Variants in MAP4K3 observed in about 807,000 individuals in gnomAD.
The protein encoded by MAP4K3 is MAPK/ERK kinase kinase kinase 3.
In MAP4K3, 94 loss-of-function variants were observed where a neutral mutation model predicts 143.5. That is an observed-to-expected ratio of 0.65 (90% CI 0.55 to 0.78). MAP4K3 has a LOEUF of 0.78. Among genes scored for constraint, MAP4K3 ranks in the 30% least tolerant of loss-of-function variants. The pLI is 0.00. For synonymous variants in MAP4K3, 416 were observed against 347.2 expected (o/e 1.20, Z -2.20); for missense variants, 1,077 against 1,068.1 (o/e 1.01, Z -0.12).
At chr2:39,410,193 G>C (rs1667198392) in intron 1 of MAP4K3, among the ~76,000 whole-genome samples, 1 of 152,148 alleles carries the variant, frequency 6.6e-6, no homozygotes, top group East Asian at 1.9e-4. Context: ...GTCATTTAAA[G>C]CAACAGCTGA....
At chr2:39,299,894 A>C in intron 15 of MAP4K3, 93 bp from the exon 16 acceptor site, 1 of 467,586 alleles carries the variant, frequency 2.1e-6, no homozygotes, top group Non-Finnish European at 3.6e-6. Flanking sequence ...TTTAAAAGAT[A>C]AGTCCCAGAC....
At chr2:39,378,401 C>G (rs527636571) in intron 1 of MAP4K3, among the ~76,000 whole-genome samples, 44 of 152,180 alleles carry the variant, frequency 2.9e-4, no homozygotes, top group South Asian at 8.3e-4. Flanking sequence ...TTCATTTAAT[C>G]CTCACAACAA....
chr2:39,398,033 T>G (rs936870457), intron 1 of MAP4K3, among the ~76,000 whole-genome samples: 1 of 152,098 alleles, frequency 6.6e-6, no homozygotes, highest in African/African-American at 2.4e-5. Context: ...CATATATTGC[T>G]GCTGAAATGC....
intron 3 of MAP4K3, among the ~76,000 whole-genome samples, chr2:39,351,703 CTG>C (rs1665464132): frequency 6.6e-6 from 1 of 152,208 alleles, no homozygotes; most frequent in South Asian, 2.1e-4. Flanking sequence ...GAGTCTCGCT[CTG>C]TCACTCAGGC....
intron 13 of MAP4K3, among the ~76,000 whole-genome samples, chr2:39,313,069 C>T (rs1387009357): frequency 1.3e-5 from 2 of 152,214 alleles, no homozygotes; most frequent in Non-Finnish European, 2.9e-5. Context: ...GAGATTCAAA[C>T]CTTACACTGG....
At chr2:39,279,155 T>A (rs1681400650) in intron 23 of MAP4K3, among the ~76,000 whole-genome samples, 1 of 152,164 alleles carries the variant, frequency 6.6e-6, no homozygotes, top group African/African-American at 2.4e-5. Context: ...TGAAGAAAAG[T>A]GCCCGATCTG....
At chr2:39,293,929 T>C (rs950670854) in intron 16 of MAP4K3, 5 of 152,288 alleles carry the variant, frequency 3.3e-5, no homozygotes, top group African/African-American at 9.6e-5. Context: ...TCGAGGATTT[T>C]ACCATTAGGA....
chr2:39,309,547 GATTT>G, intron 13 of MAP4K3, 28 bp from the exon 14 acceptor site: 1 of 620,254 alleles, frequency 1.6e-6, no homozygotes, highest in Non-Finnish European at 2.6e-6. Flanking sequence ...GTAAAACCAG[GATTT>G]TTTTTTTTTT....
At chr2:39,353,670 G>A (rs1159207219) in intron 3 of MAP4K3, among the ~76,000 whole-genome samples, 1 of 152,092 alleles carries the variant, frequency 6.6e-6, no homozygotes, top group African/African-American at 2.4e-5. Context: ...TGCTATCCAG[G>A]TTGCTGAAAG....
At chr2:39,354,356 T>C (rs937749461) in intron 3 of MAP4K3, among the ~76,000 whole-genome samples, 1 of 152,120 alleles carries the variant, frequency 6.6e-6, no homozygotes, top group African/African-American at 2.4e-5. Context: ...GGCAGGAGAA[T>C]GGCTTGAACC....
At chr2:39,376,178 T>C (rs763443101) in intron 2 of MAP4K3, among the ~76,000 whole-genome samples, 3 of 152,192 alleles carry the variant, frequency 2.0e-5, no homozygotes, top group Non-Finnish European at 4.4e-5. Context: ...CAGCTGTGTA[T>C]GAGGGTTCCT....
At chr2:39,327,241 C>A (rs1385665009) in intron 8 of MAP4K3, among the ~76,000 whole-genome samples, 1 of 152,132 alleles carries the variant, frequency 6.6e-6, no homozygotes, top group Non-Finnish European at 1.5e-5. Flanking sequence ...CAATAATCTT[C>A]ATATTTAGTA....
At chr2:39,260,516 C>T in intron 29 of MAP4K3, 90 bp downstream of exon 29, 1 of 985,530 alleles carries the variant, frequency 1.0e-6, no homozygotes, top group Non-Finnish European at 1.5e-6. Flanking sequence ...GCAGTATATG[C>T]AGTTTTTCCT....
At chr2:39,365,785 T>G (rs1400238773) in intron 2 of MAP4K3, among the ~76,000 whole-genome samples, 1 of 152,212 alleles carries the variant, frequency 6.6e-6, no homozygotes, top group Non-Finnish European at 1.5e-5. Flanking sequence ...GAGAAAAATG[T>G]AAGCTTAGAC....
intron 29 of MAP4K3, among the ~76,000 whole-genome samples, chr2:39,259,613 G>A (rs1027727509): frequency 3.9e-5 from 6 of 152,140 alleles, no homozygotes; most frequent in African/African-American, 1.2e-4. Flanking sequence ...TGTTTCCTAT[G>A]TTAATATACA....
chr2:39,353,786 G>C (rs1346540266), intron 3 of MAP4K3, among the ~76,000 whole-genome samples: 3 of 152,114 alleles, frequency 2.0e-5, no homozygotes, highest in Non-Finnish European at 4.4e-5. Context: ...AGTAGCAGCG[G>C]CAAATACCTA....
At chr2:39,286,532 A>G (rs1681785144) in intron 21 of MAP4K3, among the ~76,000 whole-genome samples, 1 of 152,262 alleles carries the variant, frequency 6.6e-6, no homozygotes, top group African/African-American at 2.4e-5. Context: ...CTCAATGAGA[A>G]TAATAATAGT....
intron 8 of MAP4K3, among the ~76,000 whole-genome samples, chr2:39,326,757 G>C (rs1015060212): frequency 1.3e-5 from 2 of 152,072 alleles, no homozygotes. Context: ...TGGATCATTG[G>C]GTCAGTTTCC....
intron 1 of MAP4K3, among the ~76,000 whole-genome samples, chr2:39,382,289 A>G (rs1666373575): frequency 6.6e-6 from 1 of 152,238 alleles, no homozygotes. Flanking sequence ...GTGGGTTAGA[A>G]ACAGTCATTA....
Sources: gnomAD v4.1 joint callset for allele counts (sites outside exome capture counted in the v4.1 genomes callset) on GRCh38, gnomAD v4.1.1 for gene constraint, MANE v1.5 for transcripts, NCBI Gene and HGNC (gene_info 2026-07-23, HGNC 2026-07-21) for gene names.